ASTN2: variants seen among roughly 807,000 people sequenced by gnomAD.
The protein encoded by ASTN2 is astrotactin-2.
In ASTN2, 54 loss-of-function variants were observed where a neutral mutation model predicts 139.8. That is an observed-to-expected ratio of 0.39 (90% CI 0.31 to 0.48). The LOEUF is 0.48. Among genes scored for constraint, ASTN2 ranks in the 20% least tolerant of loss-of-function variants. ASTN2 has a pLI of 0.95. For missense variants in ASTN2, 1,565 were observed against 1,725.1 expected, an observed-to-expected ratio of 0.91 and a Z score of 1.64; for synonymous variants, 756 against 719.5, an observed-to-expected ratio of 1.05 and a Z score of -0.81.
At chr9:117,135,013 C>T (rs1459469174) in intron 4 of ASTN2, among the ~76,000 whole-genome samples, 1 of 152,200 alleles carries the variant, frequency 6.6e-6, no homozygotes, top group Non-Finnish European at 1.5e-5. Context: ...AGGGAGATGC[C>T]TCACCTTCTA....
At chr9:116,560,911 C>T (rs1852872429) in intron 19 of ASTN2, among the ~76,000 whole-genome samples, 1 of 152,150 alleles carries the variant, frequency 6.6e-6, no homozygotes, top group African/African-American at 2.4e-5. Flanking sequence ...CACATCAAAA[C>T]TGGTATTTGG....
chr9:117,039,713 A>T, intron 6 of ASTN2, 106 bp downstream of exon 6: 1 of 1,223,842 alleles, frequency 8.2e-7, no homozygotes, highest in Non-Finnish European at 1.1e-6. Context: ...CTCCTGTAAT[A>T]TATGTAATAG....
chr9:116,848,679 C>T (rs1832510992), intron 11 of ASTN2, among the ~76,000 whole-genome samples: 1 of 152,068 alleles, frequency 6.6e-6, no homozygotes, highest in Non-Finnish European at 1.5e-5. Context: ...TCAGTTTCTC[C>T]TGTGATACCC....
At chr9:117,299,122 T>C (rs1834811992) in intron 1 of ASTN2, among the ~76,000 whole-genome samples, 1 of 152,180 alleles carries the variant, frequency 6.6e-6, no homozygotes, top group East Asian at 1.9e-4. Context: ...TGTTTAGACA[T>C]GAGTATGTGT....
At chr9:116,804,804 T>A (rs978918408) in intron 13 of ASTN2, among the ~76,000 whole-genome samples, 2 of 152,152 alleles carry the variant, frequency 1.3e-5, no homozygotes, top group African/African-American at 2.4e-5. Flanking sequence ...TCTTTTTTTT[T>A]ATGCAAACAT....
At chr9:116,977,940 C>A (rs1027586182) in intron 7 of ASTN2, among the ~76,000 whole-genome samples, 5 of 152,080 alleles carry the variant, frequency 3.3e-5, no homozygotes, top group African/African-American at 1.2e-4. Context: ...TGGTCTCAAA[C>A]TCCTGAACCC....
At chr9:116,436,512 ATACATAGTT>A (rs1847653992) in intron 22 of ASTN2, among the ~76,000 whole-genome samples, 2 of 152,248 alleles carry the variant, frequency 1.3e-5, no homozygotes, top group Non-Finnish European at 2.9e-5. Context: ...ATCACTAACT[ATACATAGTT>A]TACATTGTAG....
At chr9:117,074,462 G>T (rs750413055) in intron 5 of ASTN2, among the ~76,000 whole-genome samples, 10 of 152,224 alleles carry the variant, frequency 6.6e-5, no homozygotes, top group Non-Finnish European at 1.2e-4. Context: ...GAGTCAACAT[G>T]ATACTCTAGG....
At chr9:117,181,973 C>T (rs1021731454) in intron 3 of ASTN2, among the ~76,000 whole-genome samples, 2 of 152,190 alleles carry the variant, frequency 1.3e-5, no homozygotes. Context: ...CCTCCTTCCC[C>T]ACCCCATGCT....
chr9:116,506,112 G>C (rs186455287), intron 19 of ASTN2, among the ~76,000 whole-genome samples: 50 of 152,268 alleles, frequency 3.3e-4, no homozygotes, highest in Admixed American at 2.9e-3. Context: ...CATGATAGGA[G>C]CTTGTTCAGT....
At chr9:116,977,402 C>T (rs566162347) in intron 7 of ASTN2, among the ~76,000 whole-genome samples, 1 of 152,136 alleles carries the variant, frequency 6.6e-6, no homozygotes, top group Non-Finnish European at 1.5e-5. Context: ...CTCTCCCTCT[C>T]TCTTGCCATT....
chr9:117,385,326 C>T (rs1210769618), intron 1 of ASTN2, among the ~76,000 whole-genome samples: 1 of 152,016 alleles, frequency 6.6e-6, no homozygotes, highest in Non-Finnish European at 1.5e-5. Context: ...TACTGGGAAC[C>T]ATAACTCAAA....
chr9:117,334,730 T>C (rs1366431607), intron 1 of ASTN2, among the ~76,000 whole-genome samples: 1 of 152,088 alleles, frequency 6.6e-6, no homozygotes, highest in Non-Finnish European at 1.5e-5. Context: ...AATTACCACT[T>C]CCTGGAAGTT....
At chr9:116,560,367 C>T (rs4837622) in intron 19 of ASTN2, among the ~76,000 whole-genome samples, 24,150 of 152,068 alleles carry the variant, frequency 0.16, 2,088 homozygotes, top group African/African-American at 0.21. Context: ...TTACCCCTTA[C>T]GGAGCATCAA....
At chr9:116,844,889 G>A (rs1832380740) in intron 11 of ASTN2, among the ~76,000 whole-genome samples, 1 of 152,184 alleles carries the variant, frequency 6.6e-6, no homozygotes, top group Non-Finnish European at 1.5e-5. Context: ...ATGCTTTCAG[G>A]ACACACTGTG....
chr9:116,754,531 G>A (rs1829487606), intron 13 of ASTN2, among the ~76,000 whole-genome samples: 1 of 151,900 alleles, frequency 6.6e-6, no homozygotes, highest in Admixed American at 6.6e-5. Flanking sequence ...ACCTATTTTT[G>A]TAAATAATGT....
At chr9:116,553,111 A>G (rs1852428478) in intron 19 of ASTN2, among the ~76,000 whole-genome samples, 1 of 152,072 alleles carries the variant, frequency 6.6e-6, no homozygotes, top group Non-Finnish European at 1.5e-5. Context: ...CCTCCTTAAG[A>G]GCAAGTTCCC....
At chr9:116,771,015 T>C (rs1015996532) in intron 13 of ASTN2, among the ~76,000 whole-genome samples, 9 of 152,256 alleles carry the variant, frequency 5.9e-5, no homozygotes, top group East Asian at 5.8e-4. Flanking sequence ...TACTGTCTTA[T>C]GTATTTTCTG....
intron 3 of ASTN2, among the ~76,000 whole-genome samples, chr9:117,144,040 G>C (rs1830134681): frequency 6.6e-6 from 1 of 152,118 alleles, no homozygotes; most frequent in Admixed American, 6.5e-5. Flanking sequence ...AGGTAATTAA[G>C]GTTAGATGAA....
Sources: gnomAD v4.1 joint callset for allele counts (sites outside exome capture counted in the v4.1 genomes callset) on GRCh38, gnomAD v4.1.1 for gene constraint, MANE v1.5 for transcripts, NCBI Gene and HGNC (gene_info 2026-07-23, HGNC 2026-07-21) for gene names.